ATE1: variants seen among roughly 807,000 people sequenced by gnomAD.
ATE1 encodes arginyltransferase 1.
A neutral mutation model predicts 70.5 loss-of-function variants in ATE1; 36 were observed. The ratio of observed to expected loss-of-function variants is 0.51; its 90% CI spans 0.39 to 0.67. The LOEUF is 0.67. Among genes scored for constraint, ATE1 ranks in the 30% least tolerant of loss-of-function variants. The pLI, the probability that ATE1 is intolerant of heterozygous loss-of-function variation, is 0.00. For missense variants in ATE1, 593 were observed against 629.5 expected (o/e 0.94, Z 0.62); for synonymous variants, 232 against 219.3 (o/e 1.06, Z -0.51).
chr10:121,856,742 G>A (rs1209644822), intron 8 of ATE1, among the ~76,000 whole-genome samples: 1 of 152,164 alleles, frequency 6.6e-6, no homozygotes, highest in East Asian at 1.9e-4. Flanking sequence ...GCCAAAAAAT[G>A]GTGCTGGAAA....
intron 7 of ATE1, among the ~76,000 whole-genome samples, chr10:121,892,000 A>C (rs1950595476): frequency 6.6e-6 from 1 of 152,214 alleles, no homozygotes; most frequent in Admixed American, 6.5e-5. Context: ...AAGAGAAGAA[A>C]TGAACACTGG....
chr10:121,889,090 G>A (rs1215508807), intron 7 of ATE1, among the ~76,000 whole-genome samples: 3 of 151,966 alleles, frequency 2.0e-5, no homozygotes, highest in Admixed American at 6.6e-5. Context: ...CTCAGCTCAC[G>A]GCAACCTCTG....
Position 121,899,925 on chromosome 10 carries a change from A to G in ATE1, c.883T>C (p.Tyr295His). ...KATLLESYQV[Y>H]KRYQMVIHKN... ...TGAATAACCATCTGGTAACGTTTAT[A>G]GACCTGGTAAGACTCCAGAAGTGTG... is the stretch of plus-strand genomic sequence containing the variant. Residue 295 changes from tyrosine to histidine, a missense_variant, in exon 7 of 12, where the codon TAT (tyrosine) becomes CAT (histidine). Transcript: ENST00000224652. 1 of 1,614,054 alleles carries G rather than the reference A, an allele frequency of 6.2e-7. No homozygotes were observed. Among genetic ancestry groups the G allele is most frequent in the Non-Finnish European group, 8.5e-7 (1 of 1,179,930 alleles).
intron 7 of ATE1, among the ~76,000 whole-genome samples, chr10:121,891,870 C>T (rs1950590229): frequency 6.6e-6 from 1 of 151,990 alleles, no homozygotes; most frequent in Non-Finnish European, 1.5e-5. Flanking sequence ...ATTAGTTTTC[C>T]CTCTTATATT....
At chr10:121,906,149 T>C (rs1951181060) in intron 5 of ATE1, among the ~76,000 whole-genome samples, 1 of 152,198 alleles carries the variant, frequency 6.6e-6, no homozygotes, top group Non-Finnish European at 1.5e-5. Context: ...ATCCCAGCAC[T>C]TTGGGAGGCC....
intron 10 of ATE1, among the ~76,000 whole-genome samples, chr10:121,833,875 TA>T: frequency 6.6e-6 from 1 of 152,282 alleles, no homozygotes; most frequent in African/African-American, 2.4e-5. Flanking sequence ...AATAATCTGG[TA>T]CAGTGATTCT....
rs1480474278 is a variant in ATE1 at position 121,798,727 on chromosome 10, C to T, written c.1258-8438G>A. On this transcript the variant is annotated intron_variant, in intron 10 of 11. Coordinates refer to ENST00000224652, the MANE Select transcript of ATE1 (RefSeq NM_001001976.3). Reference sequence around the variant, plus strand: ...TCAGCCTGACCAACATGGTGAAACCCCTTCTCTACTAAAAATACAAAAATT... The same window carrying T: ...TCAGCCTGACCAACATGGTGAAACCTCTTCTCTACTAAAAATACAAAAATT... 2.0e-5 allele frequency among the ~76,000 whole-genome samples: 3 copies of T among 149,322 alleles called. No homozygotes were observed. The East Asian group carries it at 5.8e-4, about 29-fold the overall frequency.
At chr10:121,796,547 G>C (rs1465634114) in intron 10 of ATE1, among the ~76,000 whole-genome samples, 1 of 152,134 alleles carries the variant, frequency 6.6e-6, no homozygotes, top group Non-Finnish European at 1.5e-5. Context: ...AGTTACCACA[G>C]AAGAGTTAAT....
intron 11 of ATE1, among the ~76,000 whole-genome samples, chr10:121,751,257 G>T (rs142198569): frequency 4.0e-4 from 61 of 152,308 alleles, no homozygotes; most frequent in African/African-American, 1.4e-3. Flanking sequence ...TTTAATAACA[G>T]CTTTATTGTG....
intron 5 of ATE1, among the ~76,000 whole-genome samples, chr10:121,905,854 A>AG (rs1307268978): frequency 4.2e-5 from 1 of 24,040 alleles, no homozygotes; most frequent in African/African-American, 1.6e-4. Context: ...TCCAAGAGAG[A>AG]GAAAAAAAAG....
chr10:121,924,276 C>T lies in ATE1; in HGVS notation c.160G>A (p.Gly54Arg), dbSNP rs1951992985. The change falls in exon 2 of 12, where the codon GGA becomes AGA. Residue 54 changes from glycine to arginine, a missense_variant. Around this residue, in one of 3 missense-constraint regions of ATE1, gnomAD observed 467 missense variants for 469.6 expected, o/e 0.99. Transcript: ENST00000224652. ...VQDYQDLIDR[G>R]WRRSGKYVYK... is the part of the protein sequence containing the mutation. ...ATCTGGAAGCTTTACCTTCGCCATCCTCGGTCTATGAGATCCTGATAATCC... is the reference window on the plus strand; with the variant it reads ...ATCTGGAAGCTTTACCTTCGCCATCTTCGGTCTATGAGATCCTGATAATCC... 1 of 1,613,978 alleles carries T rather than the reference C, an allele frequency of 6.2e-7. No homozygotes were observed. The highest frequency in any genetic ancestry group is 8.5e-7 in the Non-Finnish European group (1 of 1,179,860).
At position 121,791,988 on chromosome 10, in the gene ATE1, C is replaced by T. The variant is rs183271121; in HGVS notation, c.1258-1699G>A. 4.6e-5 allele frequency among the ~76,000 whole-genome samples: 7 copies of T among 152,266 alleles called. No homozygotes were observed. The East Asian group carries it at 1.3e-3, about 29-fold the overall frequency. On this transcript the variant is annotated intron_variant, in intron 10 of 11. Coordinates refer to ENST00000224652, the MANE Select transcript of ATE1 (RefSeq NM_001001976.3). Reference sequence around the variant, plus strand: ...TGAAGCATAGATACAAAATGAACACCACGTCCTATTAGCTCGCAAAGCATT... The same window carrying T: ...TGAAGCATAGATACAAAATGAACACTACGTCCTATTAGCTCGCAAAGCATT...
At chr10:121,885,260 C>CAA (rs1212899309) in intron 7 of ATE1, among the ~76,000 whole-genome samples, 364 of 32,732 alleles carry the variant, frequency 0.011, 1 homozygote, top group Non-Finnish European at 0.013. Flanking sequence ...GACTCCGTCT[C>CAA]AAAAAAAAAA....
At chr10:121,876,834 CGG>C (rs1950067333) in intron 7 of ATE1, among the ~76,000 whole-genome samples, 1 of 151,874 alleles carries the variant, frequency 6.6e-6, no homozygotes, top group Non-Finnish European at 1.5e-5. Flanking sequence ...GGCGTGGTGG[CGG>C]GCGCCTGTAG....
intron 10 of ATE1, among the ~76,000 whole-genome samples, chr10:121,799,890 TATTATTTAC>T (rs1209272361): frequency 6.6e-6 from 1 of 152,208 alleles, no homozygotes; most frequent in African/African-American, 2.4e-5. Flanking sequence ...AAGAAAAACC[TATTATTTAC>T]ATTATAATGG....
In ATE1 at chr10:121,763,262, T is replaced by C. The variant is rs567002149; in HGVS notation, c.1379-19404A>G. 8.5e-5 allele frequency among the ~76,000 whole-genome samples: 13 copies of C among 152,348 alleles called. No individual in the cohort carries two copies. In the East Asian group the frequency reaches 2.5e-3, roughly 29 times the overall value. On this transcript the variant is annotated intron_variant, in intron 11 of 11. Coordinates refer to ENST00000224652, the MANE Select transcript of ATE1 (RefSeq NM_001001976.3). The stretch of plus-strand genomic sequence containing the variant: ...ATCTAGTAATTGCGCTTCTTGGTAT[T>C]GATCCAGATGAATTGAAAACTTATG...
chr10:121,862,067 C>T (rs1949493180), intron 8 of ATE1, among the ~76,000 whole-genome samples: 1 of 152,166 alleles, frequency 6.6e-6, no homozygotes, highest in Non-Finnish European at 1.5e-5. Flanking sequence ...CAGGTAAAAG[C>T]TTCCCCCAAT....
chr10:121,924,657 G>A (rs1360580513), intron 1 of ATE1, among the ~76,000 whole-genome samples: 3 of 146,500 alleles, frequency 2.0e-5, no homozygotes, highest in South Asian at 2.1e-4. Flanking sequence ...CCAAGATCAC[G>A]CCACTGCACT....
At chr10:121,849,878 T>A (rs2133862615) in intron 8 of ATE1, among the ~76,000 whole-genome samples, 1 of 151,696 alleles carries the variant, frequency 6.6e-6, no homozygotes, top group East Asian at 1.9e-4. Context: ...AAAAAAAAAA[T>A]TCAGTGCCTG....
Sources: gnomAD v4.1 joint callset for allele counts (sites outside exome capture counted in the v4.1 genomes callset) on GRCh38, gnomAD v4.1.1 for gene constraint, gnomAD v4.1.1 regional missense constraint, MANE v1.5 for transcripts, NCBI Gene and HGNC (gene_info 2026-07-23, HGNC 2026-07-21) for gene names.